The following MET variants were observed in gnomAD, a reference collection of about 807,000 sequenced individuals.
MET encodes the protein hepatocyte growth factor receptor.
Under a neutral mutation model 133.1 loss-of-function variants are expected in MET, and 48 were observed. The ratio of observed to expected loss-of-function variants is 0.36; its 90% CI spans 0.29 to 0.46. The LOEUF (loss-of-function observed/expected upper bound fraction) is 0.46, where lower values mean the gene tolerates loss of function less well. Among genes scored for constraint, MET ranks in the 20% least tolerant of loss-of-function variants. The pLI is 1.00. For missense variants in MET, 1,442 were observed against 1,695.9 expected (o/e 0.85, Z 2.63); for synonymous variants, 628 against 616.5 (o/e 1.02, Z -0.28).
intron 12 of MET, among the ~76,000 whole-genome samples, chr7:116,770,163 A>G (rs1794786893): frequency 6.6e-6 from 1 of 152,226 alleles, no homozygotes; most frequent in Non-Finnish European, 1.5e-5. Flanking sequence ...TCACTAATGC[A>G]TAGAGTCCCA....
At chr7:116,795,557 A>T in intron 19 of MET, 98 bp from the exon 20 acceptor site, 2 of 1,530,666 alleles carry the variant, frequency 1.3e-6, no homozygotes, top group Non-Finnish European at 1.8e-6. Flanking sequence ...CGTATTGAGT[A>T]TGTAAAGCCA....
intron 5 of MET, among the ~76,000 whole-genome samples, chr7:116,748,176 G>A (rs750386119): frequency 5.1e-4 from 78 of 152,290 alleles, no homozygotes; most frequent in East Asian, 1.4e-3. Context: ...CCCAGGAGGC[G>A]GAGCTTGTAG....
intron 2 of MET, among the ~76,000 whole-genome samples, chr7:116,720,065 A>G (rs376040317): frequency 6.6e-6 from 1 of 152,220 alleles, no homozygotes. Context: ...CATTGAATCT[A>G]TAAATTACCT....
intron 3 of MET, 141 bp downstream of exon 3, chr7:116,732,000 C>A: frequency 1.3e-6 from 1 of 794,346 alleles, no homozygotes; most frequent in South Asian, 1.5e-5. Flanking sequence ...GAAAGCCAAA[C>A]AATGAAGCCT....
chr7:116,693,038 A>T (rs1796830066), intron 1 of MET, among the ~76,000 whole-genome samples: 1 of 152,222 alleles, frequency 6.6e-6, no homozygotes, highest in Non-Finnish European at 1.5e-5. Flanking sequence ...ATATATGAAA[A>T]GTGAAAGTAT....
At chr7:116,788,997 A>G (rs1352555756) in intron 19 of MET, among the ~76,000 whole-genome samples, 1 of 152,220 alleles carries the variant, frequency 6.6e-6, no homozygotes, top group Non-Finnish European at 1.5e-5. Context: ...ACTTAATACA[A>G]GTTCTTCCAT....
At chr7:116,679,634 A>G (rs1170229319) in intron 1 of MET, among the ~76,000 whole-genome samples, 1 of 152,230 alleles carries the variant, frequency 6.6e-6, no homozygotes, top group African/African-American at 2.4e-5. Flanking sequence ...ACGTAATGCT[A>G]TAATCACGAG....
At chr7:116,713,267 C>T (rs1048328305) in intron 2 of MET, among the ~76,000 whole-genome samples, 5 of 151,670 alleles carry the variant, frequency 3.3e-5, no homozygotes, top group African/African-American at 4.8e-5. Flanking sequence ...TAATGGCGGG[C>T]GCCTGTAGTC....
intron 5 of MET, 118 bp downstream of exon 5, chr7:116,741,143 T>A: frequency 8.4e-7 from 1 of 1,184,728 alleles, no homozygotes; most frequent in Non-Finnish European, 1.2e-6. Context: ...GAAAAAAATT[T>A]AAAAATCAAT....
chr7:116,768,499 A>G (rs1018909299), intron 11 of MET, among the ~76,000 whole-genome samples: 1 of 152,188 alleles, frequency 6.6e-6, no homozygotes, highest in South Asian at 2.1e-4. Context: ...TAGAAGTATC[A>G]TAAGGATAGG....
At chr7:116,754,915 GAAAGAAAGAAAGAAAGA>G (rs1794079401) in intron 5 of MET, among the ~76,000 whole-genome samples, 2 of 139,372 alleles carry the variant, frequency 1.4e-5, no homozygotes, top group South Asian at 4.7e-4. Flanking sequence ...AAGAAAGAAA[GAAAGAAAGAAAGAAAGA>G]AAGAAAGAAA....
rs549230483 is a variant in MET at position 116,787,173 on chromosome 7, A to G, written c.3798+3704A>G. Among the ~76,000 whole-genome samples the G allele has an allele frequency of 2.0e-5, 3 of 152,264 alleles. No individual in the cohort carries two copies. In the East Asian group the frequency reaches 5.8e-4, roughly 29 times the overall value. On this transcript the variant is annotated intron_variant, in intron 19 of 20. Transcript: ENST00000397752. ...GATTTTGATCCTGAAAGATTCTGAA[A>G]GAGGTGAAAGAAGTGGGTGCTAGAG...
Position 116,696,510 on chromosome 7 carries a change from C to T in MET, c.-14-2561C>T, listed in dbSNP as rs542121884. Among the ~76,000 whole-genome samples, 119 of 152,326 alleles carry T rather than the reference C, an allele frequency of 7.8e-4. 2 individuals are homozygous for T. The South Asian group carries it at 0.021, about 27-fold the overall frequency. ...AACTACTGCCTTGAAGATCAACAAA[C>T]GGGTTCCATGTGGACCAACGTCCTC... On this transcript the variant is annotated intron_variant, in intron 1 of 20. Coordinates refer to ENST00000397752, the MANE Select transcript of MET (RefSeq NM_000245.4).
chr7:116,766,618 G>T (rs918928864), intron 11 of MET, among the ~76,000 whole-genome samples: 1 of 152,090 alleles, frequency 6.6e-6, no homozygotes, highest in African/African-American at 2.4e-5. Flanking sequence ...AAAGTGAAGG[G>T]TTCTTTTTTC....
intron 2 of MET, among the ~76,000 whole-genome samples, chr7:116,715,881 GGAA>G (rs1222044946): frequency 6.6e-6 from 1 of 152,186 alleles, no homozygotes; most frequent in East Asian, 1.9e-4. Flanking sequence ...GTCGGCTTAA[GGAA>G]GAAGATTCTA....
chr7:116,796,350 A>G lies in MET; in HGVS notation c.*226A>G. On this transcript the variant is annotated 3_prime_UTR_variant, in exon 21 of 21. Transcript: ENST00000397752. ...CGGACCAATGGCCTGCAGCCGTGACAACACTCCTGTCATATTGGAGTCCAA... is the reference window on the plus strand; with the variant it reads ...CGGACCAATGGCCTGCAGCCGTGACGACACTCCTGTCATATTGGAGTCCAA... 1.7e-6 allele frequency: 1 copy of G among 573,102 alleles called. No homozygotes were observed. The highest frequency in any genetic ancestry group is 2.9e-5 in the East Asian group (1 of 34,160). 35.5% of individuals were successfully genotyped at this position (573,102 alleles called of 1,614,324 possible).
chr7:116,786,992 G>A (rs912324497), intron 19 of MET, among the ~76,000 whole-genome samples: 4 of 152,212 alleles, frequency 2.6e-5, no homozygotes, highest in Non-Finnish European at 5.9e-5. Context: ...CAGTTCCTGT[G>A]AGGAGGTAGG....
intron 11 of MET, among the ~76,000 whole-genome samples, chr7:116,767,592 A>T (rs1254604697): frequency 6.6e-6 from 1 of 152,262 alleles, no homozygotes; most frequent in Non-Finnish European, 1.5e-5. Flanking sequence ...GGATAATATG[A>T]GATGATTATA....
intron 5 of MET, among the ~76,000 whole-genome samples, chr7:116,754,949 A>G (rs997118055): frequency 9.3e-5 from 12 of 129,286 alleles, no homozygotes; most frequent in African/African-American, 2.9e-4. Context: ...GAAAGAAAGA[A>G]AGAGAAAGAA....
Sources: allele counts gnomAD v4.1 joint callset (sites outside exome capture counted in the v4.1 genomes callset), GRCh38; gene constraint gnomAD v4.1.1; transcripts MANE v1.5; gene names NCBI Gene and HGNC (gene_info 2026-07-23, HGNC 2026-07-21).